Variants in SLC35F4 observed in about 807,000 individuals in gnomAD.
SLC35F4 encodes the protein chromosome 14 open reading frame 36.
In SLC35F4, 24 loss-of-function variants were observed where a neutral mutation model predicts 44.2. That is an observed-to-expected ratio of 0.54 (90% CI 0.39 to 0.76). The LOEUF is 0.76. SLC35F4 is among the 30% of genes least tolerant of loss of function. The pLI is 0.00. For missense variants in SLC35F4, 562 were observed against 586.1 expected (o/e 0.96, Z 0.42); for synonymous variants, 238 against 223.6 (o/e 1.06, Z -0.57).
intron 1 of SLC35F4, among the ~76,000 whole-genome samples, chr14:57,798,121 CAAAA>C (rs60685029): frequency 4.4e-3 from 183 of 42,064 alleles, no homozygotes; most frequent in African/African-American, 0.012. Context: ...GACCCACGAG[CAAAA>C]AAAAAAAAAA....
chr14:57,939,450 C>T (rs369714299), intron 1 of SLC35F4, among the ~76,000 whole-genome samples: 9 of 152,144 alleles, frequency 5.9e-5, no homozygotes, highest in East Asian at 3.9e-4. Flanking sequence ...CCCCAGTGCA[C>T]GAGGGGCATT....
intron 1 of SLC35F4, among the ~76,000 whole-genome samples, chr14:57,877,271 G>T (rs919910152): frequency 1.3e-5 from 2 of 152,122 alleles, no homozygotes; most frequent in African/African-American, 4.8e-5. Flanking sequence ...TTGGTTTTAT[G>T]TTCCTGTGTT....
At chr14:57,686,158 T>C (rs959133939) in intron 1 of SLC35F4, among the ~76,000 whole-genome samples, 3 of 152,150 alleles carry the variant, frequency 2.0e-5, no homozygotes, top group African/African-American at 7.2e-5. Flanking sequence ...AGTAAAGCAT[T>C]ATGGAGGAGG....
At chr14:57,821,559 T>C (rs1883179598) in intron 1 of SLC35F4, among the ~76,000 whole-genome samples, 1 of 152,196 alleles carries the variant, frequency 6.6e-6, no homozygotes. Flanking sequence ...GAGGAACAAA[T>C]GTAATAGGAA....
At chr14:57,904,355 T>C (rs886661428) in intron 1 of SLC35F4, among the ~76,000 whole-genome samples, 1 of 152,208 alleles carries the variant, frequency 6.6e-6, no homozygotes, top group Non-Finnish European at 1.5e-5. Flanking sequence ...ATTTGGACAG[T>C]TTTGTTATCC....
intron 1 of SLC35F4, among the ~76,000 whole-genome samples, chr14:57,669,983 TATTA>T (rs2074457819): frequency 6.6e-6 from 1 of 152,136 alleles, no homozygotes; most frequent in Non-Finnish European, 1.5e-5. Flanking sequence ...GTTGGTAAGC[TATTA>T]ATTATTGCCT....
upstream of SLC35F4, among the ~76,000 whole-genome samples, chr14:57,867,992 T>C (rs532339270): frequency 1.7e-4 from 26 of 152,322 alleles, no homozygotes; most frequent in Admixed American, 1.4e-3. Context: ...ACTTAAATTA[T>C]AAATAACAAT....
At chr14:57,642,805 T>C (rs186567984) in intron 1 of SLC35F4, among the ~76,000 whole-genome samples, 12 of 152,068 alleles carry the variant, frequency 7.9e-5, no homozygotes, top group African/African-American at 2.6e-4. Context: ...GGAATTCAGA[T>C]TTTTACCAAC....
chr14:57,771,550 T>C (rs7158726), intron 1 of SLC35F4, among the ~76,000 whole-genome samples: 41,175 of 133,768 alleles, frequency 0.31, 5,665 homozygotes, highest in Admixed American at 0.41. Context: ...AAGTTATAGG[T>C]TGTCACTTCA....
intron 4 of SLC35F4, among the ~76,000 whole-genome samples, chr14:57,578,424 C>T (rs2068978759): frequency 8.1e-6 from 1 of 122,900 alleles, no homozygotes; most frequent in African/African-American, 3.1e-5. Flanking sequence ...TAGATGTGGG[C>T]AATAAGAGCT....
chr14:57,869,976 A>G (rs79918331), upstream of SLC35F4, among the ~76,000 whole-genome samples: 10,996 of 152,314 alleles, frequency 0.072, 468 homozygotes, highest in Middle Eastern at 0.15. Flanking sequence ...AAGACAGGGC[A>G]GAGTCCACTC....
chr14:57,596,149 T>C (rs238380), intron 1 of SLC35F4: 108,589 of 152,362 alleles, frequency 0.71, 39,449 homozygotes, highest in Middle Eastern at 0.8. Context: ...CTCCTGTACC[T>C]GTAAATATAT....
intron 1 of SLC35F4, among the ~76,000 whole-genome samples, chr14:57,808,874 G>A (rs1250292683): frequency 6.6e-6 from 1 of 152,180 alleles, no homozygotes; most frequent in Non-Finnish European, 1.5e-5. Context: ...TTCATTTTAA[G>A]TGGCTTTATG....
chr14:57,905,993 T>C (rs12435743), intron 1 of SLC35F4, among the ~76,000 whole-genome samples: 13,690 of 152,046 alleles, frequency 0.09, 688 homozygotes, highest in Middle Eastern at 0.11. Context: ...CCCAGGGCAT[T>C]CCGCACAGCA....
At chr14:57,695,607 G>C (rs1188752474) in intron 1 of SLC35F4, among the ~76,000 whole-genome samples, 1 of 151,962 alleles carries the variant, frequency 6.6e-6, no homozygotes, top group Non-Finnish European at 1.5e-5. Flanking sequence ...GTGGAAGTCA[G>C]TGTGGCGATT....
At chr14:57,744,982 G>T (rs1310314202) in intron 1 of SLC35F4, among the ~76,000 whole-genome samples, 5 of 152,100 alleles carry the variant, frequency 3.3e-5, no homozygotes, top group African/African-American at 1.2e-4. Flanking sequence ...GCAAAAACAA[G>T]AAATGGGGAA....
intron 1 of SLC35F4, among the ~76,000 whole-genome samples, chr14:57,711,080 A>G (rs1199253215): frequency 2.6e-5 from 4 of 152,126 alleles, no homozygotes; most frequent in African/African-American, 9.7e-5. Context: ...TTTAGTTCCC[A>G]TAATCCGCAC....
chr14:57,699,559 G>A (rs2075478981), intron 1 of SLC35F4, among the ~76,000 whole-genome samples: 2 of 152,116 alleles, frequency 1.3e-5, no homozygotes, highest in South Asian at 2.1e-4. Context: ...AGCAGCATGA[G>A]GCTTTCTTCT....
At chr14:57,858,395 C>G (rs1887337166) in intron 1 of SLC35F4, among the ~76,000 whole-genome samples, 1 of 151,834 alleles carries the variant, frequency 6.6e-6, no homozygotes, top group Non-Finnish European at 1.5e-5. Flanking sequence ...ATGGATGAAG[C>G]TGGAAAGCAT....
Sources: gnomAD v4.1 joint callset for allele counts (sites outside exome capture counted in the v4.1 genomes callset) on GRCh38, gnomAD v4.1.1 for gene constraint, MANE v1.5 for transcripts, NCBI Gene and HGNC (gene_info 2026-07-23, HGNC 2026-07-21) for gene names.